Variants in TLK1 observed in about 807,000 individuals in gnomAD.
TLK1 encodes serine/threonine-protein kinase tousled-like 1.
Under a neutral mutation model 105.3 loss-of-function variants are expected in TLK1, and 24 were observed. That is an observed-to-expected ratio of 0.23 (90% CI 0.17 to 0.32). The LOEUF (loss-of-function observed/expected upper bound fraction) is 0.32, where lower values mean the gene tolerates loss of function less well. Among genes scored for constraint, TLK1 ranks in the 10% least tolerant of loss-of-function variants. The pLI, the probability that TLK1 is intolerant of heterozygous loss-of-function variation, is 1.00. For synonymous variants in TLK1, 321 were observed against 310.4 expected, an observed-to-expected ratio of 1.03 and a Z score of -0.36; for missense variants, 558 against 910.5, an observed-to-expected ratio of 0.61 and a Z score of 4.98.
At chr2:171,076,606 TAG>T (rs1333269250) in intron 3 of TLK1, among the ~76,000 whole-genome samples, 3 of 151,778 alleles carry the variant, frequency 2.0e-5, no homozygotes, top group Non-Finnish European at 4.4e-5. Context: ...TTTTAAAACT[TAG>T]AAAACACTGA....
intron 8 of TLK1, among the ~76,000 whole-genome samples, chr2:171,051,608 ATC>A (rs1387394137): frequency 6.6e-6 from 1 of 152,240 alleles, no homozygotes; most frequent in Non-Finnish European, 1.5e-5. Context: ...GAGTAATAAT[ATC>A]TGAGCTGCCC....
chr2:171,189,934 CAAAAG>C (rs746247728), intron 1 of TLK1, among the ~76,000 whole-genome samples: 1 of 149,220 alleles, frequency 6.7e-6, no homozygotes, highest in Non-Finnish European at 1.5e-5. Flanking sequence ...GACCCTGTCT[CAAAAG>C]AAAAGAAAAG....
chr2:171,137,590 T>C (rs1691378492), intron 1 of TLK1, among the ~76,000 whole-genome samples: 1 of 152,150 alleles, frequency 6.6e-6, no homozygotes, highest in Non-Finnish European at 1.5e-5. Flanking sequence ...GGCTCACGTC[T>C]GTAATCCTAA....
In TLK1 at chr2:170,997,828, A is replaced by G. The variant is rs905179147; in HGVS notation, c.1905-5T>C. 6.4e-7 allele frequency: 1 copy of G among 1,568,790 alleles called. No homozygotes were observed. Among genetic ancestry groups the G allele is most frequent in the Non-Finnish European group, 8.7e-7 (1 of 1,149,422 alleles). On this transcript the variant is annotated splice_polypyrimidine_tract_variant and splice_region_variant and intron_variant, in intron 18 of 20. Transcript: ENST00000431350. The stretch of plus-strand genomic sequence containing the variant: ...AAACACTCAGGAGGTAAATACCTGT[A>G]AGTTTTGTGGGAGAGAAAAAAGGTT...
intron 14 of TLK1, among the ~76,000 whole-genome samples, chr2:171,009,500 G>A (rs1217378163): frequency 6.6e-6 from 1 of 151,786 alleles, no homozygotes; most frequent in Non-Finnish European, 1.5e-5. Flanking sequence ...GTAGAAACGG[G>A]TTCGCCATGT....
At chr2:171,031,705 T>G (rs1686055176) in intron 11 of TLK1, among the ~76,000 whole-genome samples, 1 of 152,162 alleles carries the variant, frequency 6.6e-6, no homozygotes. Context: ...TCTTCCACAC[T>G]AAGTCTGAGT....
chr2:171,136,605 C>T (rs972013539), intron 1 of TLK1, among the ~76,000 whole-genome samples: 7 of 152,126 alleles, frequency 4.6e-5, no homozygotes, highest in East Asian at 1.9e-4. Flanking sequence ...TAAGATGGTA[C>T]ATTTTATGTC....
chr2:171,102,304 A>G (rs987964318), intron 2 of TLK1, among the ~76,000 whole-genome samples: 4 of 152,100 alleles, frequency 2.6e-5, no homozygotes, highest in Admixed American at 2.0e-4. Flanking sequence ...ATTTAGTTAT[A>G]TTTTTATTTT....
chr2:171,205,126 T>G (rs1460991213), intron 1 of TLK1, among the ~76,000 whole-genome samples: 1 of 151,634 alleles, frequency 6.6e-6, no homozygotes, highest in African/African-American at 2.4e-5. Context: ...GGTGAGAGGA[T>G]TGCTTGAGCC....
intron 12 of TLK1, among the ~76,000 whole-genome samples, chr2:171,020,021 G>T (rs1427314702): frequency 6.7e-6 from 1 of 149,144 alleles, no homozygotes; most frequent in Admixed American, 6.7e-5. Context: ...TCACACTACT[G>T]CACTCTAGCC....
At chr2:171,053,688 G>C in intron 8 of TLK1, 73 bp downstream of exon 8, 1 of 1,220,892 alleles carries the variant, frequency 8.2e-7, no homozygotes, top group Non-Finnish European at 1.1e-6. Flanking sequence ...ACAATGCTAA[G>C]TATTTTCTGA....
chr2:171,044,847 T>C (rs936674530), intron 11 of TLK1, among the ~76,000 whole-genome samples: 1 of 152,162 alleles, frequency 6.6e-6, no homozygotes, highest in Non-Finnish European at 1.5e-5. Context: ...TCAGTGCTGC[T>C]ACGTAAGTTA....
At chr2:171,087,138 G>C (rs577539118) in intron 2 of TLK1, among the ~76,000 whole-genome samples, 3 of 152,228 alleles carry the variant, frequency 2.0e-5, no homozygotes, top group Non-Finnish European at 4.4e-5. Flanking sequence ...ATAAAAATTT[G>C]TAATCATATG....
chr2:171,180,720 T>G (rs549855873), intron 1 of TLK1, among the ~76,000 whole-genome samples: 10 of 152,128 alleles, frequency 6.6e-5, no homozygotes, highest in Non-Finnish European at 1.3e-4. Context: ...TGACTGTTAC[T>G]GAGACACTGA....
intron 1 of TLK1, among the ~76,000 whole-genome samples, chr2:171,149,653 C>T (rs1277376869): frequency 1.3e-5 from 2 of 152,184 alleles, no homozygotes; most frequent in Non-Finnish European, 2.9e-5. Context: ...AGCCTGTAAT[C>T]CCAACACTTT....
Position 171,160,569 on chromosome 2 carries a change from G to T in TLK1, c.-141C>A. The T allele has an allele frequency of 7.0e-7, 1 of 1,427,742 alleles. No homozygotes were observed. 88.4% of individuals were successfully genotyped at this position (1,427,742 alleles called of 1,614,324 possible). A position where few individuals can be genotyped will look rare whatever the true frequency, so the allele number is the denominator to read the frequency against. ...CTGGGAGGGGAGAGTCAAGGGGATG[G>T]GGGAGGAAACCGAGAAGAGGGGAGG... On this transcript the variant is annotated 5_prime_UTR_variant, in exon 1 of 21. Transcript: ENST00000431350. The surrounding 1 kb of genome is among the most constrained non-coding windows in gnomAD (Gnocchi z 4.4).
chr2:171,088,992 C>G (rs1689105312), intron 2 of TLK1, among the ~76,000 whole-genome samples: 1 of 152,226 alleles, frequency 6.6e-6, no homozygotes, highest in Non-Finnish European at 1.5e-5. Flanking sequence ...TCAAGTGATT[C>G]TGCCTCAGCC....
chr2:171,213,170 C>T (rs553505707), intron 1 of TLK1, among the ~76,000 whole-genome samples: 1 of 151,596 alleles, frequency 6.6e-6, no homozygotes, highest in African/African-American at 2.4e-5. Flanking sequence ...CTACAGGGCT[C>T]TATATCAGGC....
chr2:171,010,518 G>C (rs1309727976), intron 14 of TLK1, among the ~76,000 whole-genome samples: 1 of 151,664 alleles, frequency 6.6e-6, no homozygotes, highest in African/African-American at 2.4e-5. Context: ...AGATAACCCA[G>C]TGAATGAGAG....
Sources: allele counts gnomAD v4.1 joint callset (sites outside exome capture counted in the v4.1 genomes callset), GRCh38; gene constraint gnomAD v4.1.1; non-coding constraint Gnocchi (gnomAD v3.1); transcripts MANE v1.5; gene names NCBI Gene and HGNC (gene_info 2026-07-23, HGNC 2026-07-21).